Variants in CDH13 observed in about 807,000 individuals in gnomAD.
The protein encoded by CDH13 is cadherin 13, also known as cadherin-13.
In CDH13, 24 loss-of-function variants were observed where a neutral mutation model predicts 63.8. The observed-to-expected ratio is 0.38, with a 90% CI of 0.27 to 0.53. The LOEUF (loss-of-function observed/expected upper bound fraction) is 0.53. CDH13 is among the 20% of genes least tolerant of loss of function. CDH13 has a pLI of 0.85. For synonymous variants in CDH13, 503 were observed against 355.3 expected (o/e 1.42, Z -4.67); for missense variants, 1,049 against 903.1 (o/e 1.16, Z -2.07).
intron 1 of CDH13, among the ~76,000 whole-genome samples, chr16:82,808,271 A>C (rs1231281917): frequency 1.3e-5 from 2 of 152,130 alleles, no homozygotes; most frequent in Non-Finnish European, 2.9e-5. Context: ...GTTCTCTTTG[A>C]AATAATGGAG....
chr16:82,981,947 G>T (rs1482686429), intron 2 of CDH13, among the ~76,000 whole-genome samples: 2 of 152,144 alleles, frequency 1.3e-5, no homozygotes, highest in Non-Finnish European at 2.9e-5. Flanking sequence ...AAAACATTCA[G>T]TCCCTACTCT....
In CDH13 at chr16:82,869,513, C is replaced by T. The variant is rs116477020; in HGVS notation, c.157+11040C>T. Among the ~76,000 whole-genome samples the T allele has an allele frequency of 9.3e-3, 1,410 of 151,690 alleles. 25 individuals carry two copies. Among genetic ancestry groups the T allele is most frequent in the African/African-American group, 0.032 (1,336 of 41,376 alleles). The stretch of plus-strand genomic sequence containing the variant: ...AAATTTATACAGAACCCCAAAAGAC[C>T]CAGAACAGCAGAAGCCATCTTGAGC... On this transcript the variant is annotated intron_variant, in intron 2 of 13. Transcript: ENST00000567109.
intron 2 of CDH13, among the ~76,000 whole-genome samples, chr16:83,027,118 GC>G (rs1335789751): frequency 1.3e-5 from 1 of 74,444 alleles, no homozygotes; most frequent in Non-Finnish European, 2.7e-5. Flanking sequence ...CCCCCCCACC[GC>G]CCCGCCTCCA....
chr16:82,882,796 G>A (rs12919162), intron 2 of CDH13, among the ~76,000 whole-genome samples: 47,941 of 151,790 alleles, frequency 0.32, 8,557 homozygotes, highest in East Asian at 0.79. Flanking sequence ...TTTTTACCAA[G>A]CCATTTGGTT....
chr16:82,712,074 A>G (rs1457275568), intron 1 of CDH13, among the ~76,000 whole-genome samples: 1 of 152,160 alleles, frequency 6.6e-6, no homozygotes, highest in African/African-American at 2.4e-5. Context: ...AGATACTATC[A>G]TATTATTTCG....
intron 4 of CDH13, among the ~76,000 whole-genome samples, chr16:83,206,229 G>C (rs1189500522): frequency 1.3e-5 from 2 of 152,172 alleles, no homozygotes; most frequent in East Asian, 3.9e-4. Context: ...CACAAGTACT[G>C]ATTGCCTACG....
intron 10 of CDH13, among the ~76,000 whole-genome samples, chr16:83,690,121 C>G (rs1904703026): frequency 6.6e-6 from 1 of 151,948 alleles, no homozygotes; most frequent in African/African-American, 2.4e-5. Context: ...GGTGGTGAGC[C>G]AAGATCACGC....
intron 4 of CDH13, among the ~76,000 whole-genome samples, chr16:83,196,332 C>G (rs1443690553): frequency 6.6e-6 from 1 of 152,030 alleles, no homozygotes; most frequent in Non-Finnish European, 1.5e-5. Flanking sequence ...CACTATGAAA[C>G]TTTAAGAAAA....
At chr16:83,052,531 A>G (rs1047684805) in intron 3 of CDH13, among the ~76,000 whole-genome samples, 6 of 152,158 alleles carry the variant, frequency 3.9e-5, no homozygotes, top group African/African-American at 1.4e-4. Flanking sequence ...TGTAATCCCA[A>G]CAGTTTGGGA....
intron 4 of CDH13, among the ~76,000 whole-genome samples, chr16:83,163,361 G>C (rs901847228): frequency 2.0e-5 from 3 of 151,918 alleles, no homozygotes; most frequent in Admixed American, 1.3e-4. Context: ...TCTTCCACTG[G>C]GATGTCCATC....
At chr16:82,738,593 T>G (rs1297462744) in intron 1 of CDH13, among the ~76,000 whole-genome samples, 1 of 152,238 alleles carries the variant, frequency 6.6e-6, no homozygotes, top group Non-Finnish European at 1.5e-5. Flanking sequence ...CTCCATGCTG[T>G]AACTAAACAG....
chr16:83,056,111 A>G (rs1006005358), intron 3 of CDH13, among the ~76,000 whole-genome samples: 1 of 152,214 alleles, frequency 6.6e-6, no homozygotes, highest in Non-Finnish European at 1.5e-5. Context: ...GGTTTTTAGC[A>G]TCACTAGTCA....
At chr16:83,029,923 C>T (rs897635894) in intron 2 of CDH13, among the ~76,000 whole-genome samples, 2 of 152,150 alleles carry the variant, frequency 1.3e-5, no homozygotes, top group Non-Finnish European at 2.9e-5. Context: ...GCACGTAGTA[C>T]AATTCTATGC....
intron 6 of CDH13, among the ~76,000 whole-genome samples, chr16:83,427,989 A>G (rs1009634776): frequency 3.3e-5 from 5 of 152,338 alleles, no homozygotes; most frequent in African/African-American, 1.2e-4. Context: ...TCTGTAGCTG[A>G]TCCTCTGGTC....
intron 10 of CDH13, among the ~76,000 whole-genome samples, chr16:83,702,249 A>T (rs1043719464): frequency 6.6e-6 from 1 of 152,114 alleles, no homozygotes; most frequent in South Asian, 2.1e-4. Context: ...ATTGCTCATG[A>T]GTGTGCTAGT....
intron 5 of CDH13, among the ~76,000 whole-genome samples, chr16:83,228,142 C>T (rs1194018435): frequency 2.0e-5 from 3 of 152,200 alleles, no homozygotes; most frequent in Non-Finnish European, 2.9e-5. Context: ...TCATGTACCC[C>T]TGACAGCTTT....
At chr16:83,752,875 A>G (rs1489387312) in intron 11 of CDH13, among the ~76,000 whole-genome samples, 3 of 152,232 alleles carry the variant, frequency 2.0e-5, no homozygotes, top group African/African-American at 7.2e-5. Flanking sequence ...GGGTTTCAGA[A>G]AGGAAAGAAT....
chr16:83,422,079 A>C (rs1190178878), intron 6 of CDH13, among the ~76,000 whole-genome samples: 1 of 152,200 alleles, frequency 6.6e-6, no homozygotes, highest in African/African-American at 2.4e-5. Context: ...TCAATCATAC[A>C]GAAAAGTTGG....
chr16:83,420,833 T>C (rs1371797680), intron 6 of CDH13, among the ~76,000 whole-genome samples: 2 of 152,058 alleles, frequency 1.3e-5, no homozygotes, highest in African/African-American at 4.8e-5. Context: ...AAGTCACTGG[T>C]GAAAGTCCCA....
Sources: gnomAD v4.1 joint callset for allele counts (sites outside exome capture counted in the v4.1 genomes callset) on GRCh38, gnomAD v4.1.1 for gene constraint, MANE v1.5 for transcripts, NCBI Gene and HGNC (gene_info 2026-07-23, HGNC 2026-07-21) for gene names.